Variants in N4BP2L2 observed in about 807,000 individuals in gnomAD.
N4BP2L2 encodes NEDD4 binding protein 2 like 2.
Under a neutral mutation model 56.2 loss-of-function variants are expected in N4BP2L2, and 50 were observed. That is an observed-to-expected ratio of 0.89 (90% CI 0.71 to 1.13). The LOEUF (loss-of-function observed/expected upper bound fraction) is 1.13. Ranked by LOEUF, N4BP2L2 falls within the 50% of genes most tolerant of loss-of-function variation. The pLI is 0.00. For synonymous variants in N4BP2L2, 203 were observed against 223.6 expected (o/e 0.91, Z 0.82); for missense variants, 689 against 693.8 (o/e 0.99, Z 0.08).
chr13:32,436,408 A>G, intron 8 of N4BP2L2: 1 of 1,181,450 alleles, frequency 8.5e-7, no homozygotes, highest in Admixed American at 2.5e-5. Context: ...TGTCTTTTCT[A>G]GAAATTATAA....
chr13:32,538,526 G>A, intron 1 of N4BP2L2, 92 bp downstream of exon 1: 1 of 747,616 alleles, frequency 1.3e-6, no homozygotes, highest in South Asian at 6.0e-5. Flanking sequence ...TTACGTCTAC[G>A]TTTACAGCTA....
chr13:32,507,247 G>C (rs1173758556), downstream of N4BP2L2: 1 of 152,116 alleles, frequency 6.6e-6, no homozygotes, highest in Non-Finnish European at 1.5e-5. Flanking sequence ...GAGATCACAG[G>C]TTCAATTGGA....
At chr13:32,520,474 C>G (rs867118355) in intron 5 of N4BP2L2, among the ~76,000 whole-genome samples, 1 of 151,366 alleles carries the variant, frequency 6.6e-6, no homozygotes, top group South Asian at 2.1e-4. Context: ...CTGGCTAACA[C>G]GGTGAAACCC....
intron 6 of N4BP2L2, among the ~76,000 whole-genome samples, chr13:32,495,321 C>A (rs141810315): frequency 5.6e-4 from 86 of 152,260 alleles, no homozygotes; most frequent in Non-Finnish European, 1.2e-3. Context: ...TCCTTAGTAA[C>A]CCATCAACAG....
intron 6 of N4BP2L2, among the ~76,000 whole-genome samples, chr13:32,471,159 G>C (rs2082218241): frequency 6.6e-6 from 1 of 152,168 alleles, no homozygotes; most frequent in Admixed American, 6.5e-5. Context: ...GCTTATGTAT[G>C]TGTTGGACCT....
intron 2 of N4BP2L2, among the ~76,000 whole-genome samples, chr13:32,530,654 G>A (rs1398749104): frequency 2.0e-5 from 3 of 151,982 alleles, no homozygotes; most frequent in African/African-American, 7.3e-5. Context: ...ATAAAAGCCT[G>A]CCAATTTGAT....
At chr13:32,517,715 T>C in exon 6 of N4BP2L2, 2 of 1,491,350 alleles carry the variant, frequency 1.3e-6, no homozygotes, top group Non-Finnish European at 1.8e-6. Context: ...GTAGCCTTTT[T>C]TTATTTGAAA....
chr13:32,449,300 A>T (rs2138424885), intron 6 of N4BP2L2, among the ~76,000 whole-genome samples: 1 of 152,368 alleles, frequency 6.6e-6, no homozygotes, highest in South Asian at 2.1e-4. Flanking sequence ...AGTGCTAAAC[A>T]GCTGTTAAAT....
intron 3 of N4BP2L2, among the ~76,000 whole-genome samples, chr13:32,525,829 A>C (rs1454389941): frequency 1.3e-5 from 2 of 152,214 alleles, no homozygotes; most frequent in Non-Finnish European, 2.9e-5. Flanking sequence ...TAAACATGGA[A>C]GGAATAACTA....
intron 6 of N4BP2L2, among the ~76,000 whole-genome samples, chr13:32,447,644 G>A (rs1738465088): frequency 6.6e-6 from 1 of 152,080 alleles, no homozygotes; most frequent in African/African-American, 2.4e-5. Context: ...TCAAAGTCCA[G>A]CTCAGAATAG....
At chr13:32,489,966 G>A (rs1476385273) in intron 6 of N4BP2L2, 1 of 152,030 alleles carries the variant, frequency 6.6e-6, no homozygotes, top group African/African-American at 2.4e-5. Context: ...AATTGTTTAA[G>A]CCAAAATTAG....
At chr13:32,497,218 C>T (rs2088895936) in intron 6 of N4BP2L2, among the ~76,000 whole-genome samples, 1 of 152,072 alleles carries the variant, frequency 6.6e-6, no homozygotes, top group East Asian at 1.9e-4. Flanking sequence ...CTCATTTTCC[C>T]CTAATAAATG....
chr13:32,515,828 C>T (rs1386000248), exon 6 of N4BP2L2: 3 of 152,052 alleles, frequency 2.0e-5, no homozygotes, highest in African/African-American at 7.3e-5. Context: ...AACTCTGCCT[C>T]CCAGGTTCAA....
In N4BP2L2 at chr13:32,495,715, G is replaced by A. The variant is rs188022222; in HGVS notation, c.365+22142C>T. On this transcript the variant is annotated intron_variant, in intron 6 of 9. Transcript: ENST00000357505. ...TCTTTTTTTTTTTAAATGGAGTCTC[G>A]CTCTGCTTCCCAGGCTTGAGTGCAG... Among the ~76,000 whole-genome samples, 86 of 151,596 alleles carry A rather than the reference G, an allele frequency of 5.7e-4. No homozygotes were observed. In the East Asian group the frequency reaches 7.5e-3, roughly 13 times the overall value.
At chr13:32,482,426 A>T (rs117304112) in intron 6 of N4BP2L2, among the ~76,000 whole-genome samples, 258 of 152,306 alleles carry the variant, frequency 1.7e-3, no homozygotes, top group Non-Finnish European at 2.8e-3. Context: ...CAGTAGTGCC[A>T]TCTCGGCTCA....
At chr13:32,507,398 C>T (rs1315735385), downstream of N4BP2L2, 1 of 152,034 alleles carries the variant, frequency 6.6e-6, no homozygotes, top group Non-Finnish European at 1.5e-5. Flanking sequence ...ATCAATCAGC[C>T]GACTACTTAA....
chr13:32,489,894 CATATA>C (rs1387765120), intron 6 of N4BP2L2, among the ~76,000 whole-genome samples: 1 of 152,036 alleles, frequency 6.6e-6, no homozygotes, highest in Non-Finnish European at 1.5e-5. Flanking sequence ...TTTATGTTAT[CATATA>C]ATAAACACTA....
chr13:32,473,794 C>T (rs995021310), intron 6 of N4BP2L2, among the ~76,000 whole-genome samples: 18 of 152,140 alleles, frequency 1.2e-4, no homozygotes, highest in African/African-American at 4.1e-4. Context: ...GTTTTTCTGC[C>T]TCTATCATCC....
intron 6 of N4BP2L2, among the ~76,000 whole-genome samples, chr13:32,480,429 T>C (rs2084382922): frequency 6.6e-6 from 1 of 152,160 alleles, no homozygotes; most frequent in South Asian, 2.1e-4. Context: ...AAAGTTCACT[T>C]GACAGGGAAT....
Sources: allele counts gnomAD v4.1 joint callset (sites outside exome capture counted in the v4.1 genomes callset), GRCh38; gene constraint gnomAD v4.1.1; transcripts MANE v1.5; gene names NCBI Gene and HGNC (gene_info 2026-07-23, HGNC 2026-07-21).